Variants in ASIC2 observed in about 807,000 individuals in gnomAD.
ASIC2 encodes the protein acid sensing ion channel subunit 2, also known as acid-sensing ion channel 2.
Under a neutral mutation model 57.3 loss-of-function variants are expected in ASIC2, and 25 were observed. The observed-to-expected ratio is 0.44, with a 90% CI of 0.32 to 0.61. The LOEUF (loss-of-function observed/expected upper bound fraction) is 0.61. Among genes scored for constraint, ASIC2 ranks in the 20% least tolerant of loss-of-function variants. The pLI is 0.06. For synonymous variants in ASIC2, 319 were observed against 307.5 expected (o/e 1.04, Z -0.39); for missense variants, 641 against 738.1 (o/e 0.87, Z 1.52).
chr17:33,019,535 T>C (rs1318250755), intron 7 of ASIC2, among the ~76,000 whole-genome samples: 4 of 151,568 alleles, frequency 2.6e-5, no homozygotes, highest in African/African-American at 9.7e-5. Flanking sequence ...GGGTATGCTG[T>C]GGGTAGTGTG....
chr17:33,076,067 G>A (rs1415016222), intron 3 of ASIC2, among the ~76,000 whole-genome samples: 2 of 152,196 alleles, frequency 1.3e-5, no homozygotes, highest in Non-Finnish European at 2.9e-5. Context: ...ATAGCATGGT[G>A]ACTGGCACTG....
chr17:33,362,071 G>A (rs904988902), intron 1 of ASIC2, among the ~76,000 whole-genome samples: 1 of 152,140 alleles, frequency 6.6e-6, no homozygotes, highest in Admixed American at 6.5e-5. Context: ...TGGGAGTGGT[G>A]GACACTCAAC....
At chr17:33,230,052 G>C (rs890728696) in intron 1 of ASIC2, among the ~76,000 whole-genome samples, 1 of 152,160 alleles carries the variant, frequency 6.6e-6, no homozygotes, top group African/African-American at 2.4e-5. Context: ...CAGGACATCT[G>C]TTCCCTCCCC....
intron 1 of ASIC2, among the ~76,000 whole-genome samples, chr17:33,795,073 G>C (rs1287297526): frequency 6.6e-6 from 1 of 152,194 alleles, no homozygotes; most frequent in Non-Finnish European, 1.5e-5. Context: ...GGTAATCAGA[G>C]CAAAGCTGGA....
In ASIC2 at chr17:33,682,204, T is replaced by C. The variant is rs1044790616; in HGVS notation, c.555+473774A>G. ...CCTCCTGAATAGCTGGGACTACAGG[T>C]GCCCGCCACCATGCCTGGCTAATTT... On this transcript the variant is annotated intron_variant, in intron 1 of 9. Coordinates refer to the ASIC2 transcript ENST00000359872. Among the ~76,000 whole-genome samples, 59 of 151,452 alleles carry C rather than the reference T, an allele frequency of 3.9e-4. 1 individual carries two copies. Among genetic ancestry groups the C allele is most frequent in the Admixed American group, 9.9e-4 (15 of 15,180 alleles).
chr17:33,951,757 A>AC (rs1904578680), intron 1 of ASIC2, among the ~76,000 whole-genome samples: 1 of 135,634 alleles, frequency 7.4e-6, no homozygotes, highest in Non-Finnish European at 1.6e-5. Flanking sequence ...TAATTTTTGT[A>AC]TTTTTTTTTT....
intron 1 of ASIC2, among the ~76,000 whole-genome samples, chr17:33,280,271 C>T (rs1045150541): frequency 2.6e-5 from 4 of 152,106 alleles, no homozygotes; most frequent in East Asian, 1.9e-4. Context: ...CATGTTTCCC[C>T]GGCTGGTTAA....
At chr17:33,499,913 C>T (rs552362016) in intron 1 of ASIC2, among the ~76,000 whole-genome samples, 5 of 152,152 alleles carry the variant, frequency 3.3e-5, no homozygotes, top group Admixed American at 2.0e-4. Flanking sequence ...TGCATCAGGC[C>T]GCGGCCAGAG....
intron 1 of ASIC2, among the ~76,000 whole-genome samples, chr17:33,598,646 C>T (rs1238771930): frequency 6.6e-6 from 1 of 152,180 alleles, no homozygotes; most frequent in African/African-American, 2.4e-5. Flanking sequence ...CATCTGGTTC[C>T]TCTTTTCCTT....
intron 1 of ASIC2, among the ~76,000 whole-genome samples, chr17:33,458,373 T>C (rs1164606651): frequency 6.6e-6 from 1 of 152,210 alleles, no homozygotes; most frequent in African/African-American, 2.4e-5. Flanking sequence ...AGTAATTTAT[T>C]CCAGGATCTG....
At chr17:33,447,224 G>T (rs2141987788) in intron 1 of ASIC2, among the ~76,000 whole-genome samples, 1 of 152,260 alleles carries the variant, frequency 6.6e-6, no homozygotes, top group South Asian at 2.1e-4. Flanking sequence ...TGGGGGTTGA[G>T]GTGGGTGGCC....
chr17:33,776,922 G>T (rs1008827462), intron 1 of ASIC2, among the ~76,000 whole-genome samples: 1 of 152,136 alleles, frequency 6.6e-6, no homozygotes, highest in Non-Finnish European at 1.5e-5. Flanking sequence ...CTTTCGCTGG[G>T]TGACCTCCCA....
chr17:33,017,512 G>GTCTC, intron 8 of ASIC2, 93 bp downstream of exon 8: 1 of 1,041,096 alleles, frequency 9.6e-7, no homozygotes, highest in Admixed American at 2.0e-5. Flanking sequence ...CATGGAGAGA[G>GTCTC]GCACCGCCTT....
rs111572018 is a variant in ASIC2, at chr17:33,829,663, G to T, written c.555+326315C>A. Among the ~76,000 whole-genome samples, 112 of 150,064 alleles carry T rather than the reference G, an allele frequency of 7.5e-4. 2 individuals are homozygous for T. The highest frequency in any genetic ancestry group is 2.7e-3 in the African/African-American group (110 of 40,716). On this transcript the variant is annotated intron_variant, in intron 1 of 9. Coordinates refer to the ASIC2 transcript ENST00000359872. The stretch of plus-strand genomic sequence containing the variant: ...GCGATCTCAGCTCACTGCAAACTCT[G>T]CCTCCCAGCTTCAAGCGATTCTCCT...
At chr17:34,103,561 GT>G (rs942785474) in intron 1 of ASIC2, among the ~76,000 whole-genome samples, 2 of 151,598 alleles carry the variant, frequency 1.3e-5, no homozygotes, top group Non-Finnish European at 2.9e-5. Context: ...ATATTTCCCT[GT>G]TTTTTTCAAT....
intron 1 of ASIC2, among the ~76,000 whole-genome samples, chr17:33,353,768 G>A (rs1908271671): frequency 6.6e-6 from 1 of 152,082 alleles, no homozygotes; most frequent in South Asian, 2.1e-4. Context: ...TCAGTTCTTT[G>A]GGTGTTATAA....
chr17:33,484,143 G>A (rs1913503467), intron 1 of ASIC2, among the ~76,000 whole-genome samples: 1 of 152,226 alleles, frequency 6.6e-6, no homozygotes, highest in Non-Finnish European at 1.5e-5. Context: ...TCAGACTTCT[G>A]ACCTCCAGAA....
At chr17:33,632,201 A>G (rs964288720) in intron 1 of ASIC2, among the ~76,000 whole-genome samples, 9 of 152,190 alleles carry the variant, frequency 5.9e-5, no homozygotes, top group Non-Finnish European at 1.0e-4. Context: ...GATATAATGC[A>G]CGGAAATCCC....
chr17:33,333,332 A>T (rs767158163), intron 1 of ASIC2, among the ~76,000 whole-genome samples: 3 of 152,230 alleles, frequency 2.0e-5, no homozygotes, highest in Non-Finnish European at 2.9e-5. Context: ...ATACTATAAA[A>T]TAATTGGATA....
Sources: allele counts gnomAD v4.1 joint callset (sites outside exome capture counted in the v4.1 genomes callset), GRCh38; gene constraint gnomAD v4.1.1; transcripts MANE v1.5; gene names NCBI Gene and HGNC (gene_info 2026-07-23, HGNC 2026-07-21).